The following UVRAG variants were observed in gnomAD, a reference collection of about 807,000 sequenced individuals.
The protein encoded by UVRAG is UV radiation resistance associated.
A neutral mutation model predicts 78.0 loss-of-function variants in UVRAG; 19 were observed. The observed-to-expected ratio is 0.24, with a 90% CI of 0.17 to 0.36. The LOEUF is 0.36. Ranked by LOEUF, UVRAG falls within the 10% of genes least tolerant of loss-of-function variation. The pLI, the probability that UVRAG is intolerant of heterozygous loss-of-function variation, is 1.00. For synonymous variants in UVRAG, 323 were observed against 324.6 expected, an observed-to-expected ratio of 1.00 and a Z score of 0.05; for missense variants, 740 against 853.8, an observed-to-expected ratio of 0.87 and a Z score of 1.66.
chr11:75,999,300 C>T (rs1949766070), intron 8 of UVRAG, among the ~76,000 whole-genome samples: 1 of 151,092 alleles, frequency 6.6e-6, no homozygotes, highest in South Asian at 2.1e-4. Context: ...TTATAGCATA[C>T]ATAAAGTAAA....
At chr11:76,042,408 A>G (rs1280224804) in intron 12 of UVRAG, among the ~76,000 whole-genome samples, 2 of 152,294 alleles carry the variant, frequency 1.3e-5, no homozygotes, top group Admixed American at 1.3e-4. Flanking sequence ...TGGCTTGTGG[A>G]GAGAAGATAT....
intron 7 of UVRAG, among the ~76,000 whole-genome samples, chr11:75,975,539 T>C (rs1391280188): frequency 6.6e-6 from 1 of 152,126 alleles, no homozygotes; most frequent in Non-Finnish European, 1.5e-5. Context: ...TCTTTTATTT[T>C]GTTGAGCAGT....
At chr11:76,090,118 A>G (rs1479800088) in intron 13 of UVRAG, among the ~76,000 whole-genome samples, 1 of 152,116 alleles carries the variant, frequency 6.6e-6, no homozygotes, top group African/African-American at 2.4e-5. Flanking sequence ...CTCCATTTTT[A>G]TGTTTCAAAT....
intron 5 of UVRAG, among the ~76,000 whole-genome samples, chr11:75,901,478 C>A (rs1217466306): frequency 6.6e-6 from 1 of 152,176 alleles, no homozygotes; most frequent in Non-Finnish European, 1.5e-5. Flanking sequence ...TTCAGAGATA[C>A]ATATGCTCTC....
intron 13 of UVRAG, among the ~76,000 whole-genome samples, chr11:76,085,371 A>G (rs1233917536): frequency 1.3e-5 from 2 of 152,162 alleles, no homozygotes; most frequent in Non-Finnish European, 2.9e-5. Context: ...TGTCTGTGTC[A>G]GTGCTCGTCA....
Position 75,880,928 on chromosome 11 carries a change from C to CTTTTT in UVRAG, c.432+911_432+915dup, listed in dbSNP as rs773034018. Among the ~76,000 whole-genome samples, 184 of 87,700 alleles carry CTTTTT rather than the reference C, an allele frequency of 2.1e-3. 2 individuals are homozygous for CTTTTT. Among genetic ancestry groups the CTTTTT allele is most frequent in the Non-Finnish European group, 3.8e-3 (166 of 43,678 alleles). The allele number at this position is 87,700 out of a possible 152,430, so 57.5% of individuals were successfully genotyped here. On this transcript the variant is annotated intron_variant, in intron 4 of 14. Transcript: ENST00000356136. ...CTTTCTTCCTTTCTTTTATTTACTT[C>CTTTTT]TTTTTTTTTTTTTTTTTTTTTTTTT...
intron 12 of UVRAG, among the ~76,000 whole-genome samples, chr11:76,059,298 T>G (rs1190564848): frequency 6.6e-6 from 1 of 152,206 alleles, no homozygotes; most frequent in Admixed American, 6.5e-5. Flanking sequence ...CAACTAAGTA[T>G]GTAATGGAGC....
chr11:75,932,948 TAATGCAATTTCTATCAAAATATC>T (rs1192238771), intron 6 of UVRAG, among the ~76,000 whole-genome samples: 16 of 152,246 alleles, frequency 1.1e-4, no homozygotes, highest in African/African-American at 3.6e-4. Context: ...CCTGCAAGTT[TAATGCAATTTCTATCAAAATATC>T]AATGACATTC....
chr11:75,983,811 G>T, intron 8 of UVRAG: 1 of 230,204 alleles, frequency 4.3e-6, no homozygotes. Context: ...ACAATGGTGA[G>T]TATTTATGTA....
At chr11:75,898,615 T>C (rs990342259) in intron 5 of UVRAG, among the ~76,000 whole-genome samples, 23 of 152,224 alleles carry the variant, frequency 1.5e-4, no homozygotes, top group African/African-American at 5.5e-4. Flanking sequence ...ACTTTCTTCG[T>C]TATACTACGT....
chr11:75,950,931 G>C (rs1948680602), intron 6 of UVRAG, among the ~76,000 whole-genome samples: 1 of 149,784 alleles, frequency 6.7e-6, no homozygotes, highest in African/African-American at 2.5e-5. Flanking sequence ...GGAATTCTTT[G>C]TGTATTTTGG....
chr11:75,904,225 T>G (rs2134999059), intron 5 of UVRAG, among the ~76,000 whole-genome samples: 1 of 152,330 alleles, frequency 6.6e-6, no homozygotes, highest in Middle Eastern at 3.4e-3. Context: ...GCTCATTGGA[T>G]ATGTTAAATT....
At position 75,983,424 on chromosome 11, in the gene UVRAG, T is replaced by C. The variant is rs769514410; in HGVS notation, c.737T>C (p.Val246Ala). The change falls in exon 8 of 15, where the codon GTG (valine) becomes GCG (alanine). Residue 246 changes from valine (V) to alanine (A), a missense_variant. Physicochemically the swap from Val to Ala is moderately conservative, Grantham distance 64 (BLOSUM62 0). Transcript: ENST00000356136. ...KSECLQLKIL[V>A]LQNELERQKK... ...GAATGCCTGCAGTTAAAAATTTTGGTGCTTCAGAATGAACTGGAACGGCAG... is the reference window on the plus strand; with the variant it reads ...GAATGCCTGCAGTTAAAAATTTTGGCGCTTCAGAATGAACTGGAACGGCAG... The C allele has an allele frequency of 1.9e-6, 3 of 1,602,742 alleles. No homozygotes were observed. The highest frequency in any genetic ancestry group is 2.6e-6 in the Non-Finnish European group (3 of 1,175,196).
intron 7 of UVRAG, among the ~76,000 whole-genome samples, chr11:75,976,882 C>G (rs1293128103): frequency 6.6e-5 from 10 of 152,088 alleles, no homozygotes; most frequent in Admixed American, 2.6e-4. Context: ...GTTCTGCTCT[C>G]ATCTTAGTTA....
At chr11:75,990,854 A>G (rs139243310) in intron 8 of UVRAG, among the ~76,000 whole-genome samples, 235 of 152,328 alleles carry the variant, frequency 1.5e-3, no homozygotes, top group African/African-American at 5.5e-3. Flanking sequence ...TTAAATACTC[A>G]TATCTTTTAG....
intron 3 of UVRAG, among the ~76,000 whole-genome samples, chr11:75,868,163 T>C (rs1352116880): frequency 6.6e-6 from 1 of 152,150 alleles, no homozygotes; most frequent in African/African-American, 2.4e-5. Context: ...TCTGCAGCAG[T>C]CACATGGGAG....
intron 6 of UVRAG, among the ~76,000 whole-genome samples, chr11:75,951,539 C>T (rs1350630817): frequency 6.6e-6 from 1 of 151,976 alleles, no homozygotes; most frequent in South Asian, 2.1e-4. Flanking sequence ...TGTGCCATCA[C>T]GCCTGGCTAA....
chr11:76,009,816 A>G (rs969997399), intron 11 of UVRAG, among the ~76,000 whole-genome samples: 1 of 152,230 alleles, frequency 6.6e-6, no homozygotes, highest in Non-Finnish European at 1.5e-5. Flanking sequence ...AATTTGGAAC[A>G]AGTAATGTAA....
At chr11:76,035,183 GA>G (rs1478324637) in intron 12 of UVRAG, among the ~76,000 whole-genome samples, 1 of 152,168 alleles carries the variant, frequency 6.6e-6, no homozygotes, top group Non-Finnish European at 1.5e-5. Context: ...GTTACTAGGA[GA>G]AAAACTTTTT....
Sources: allele counts gnomAD v4.1 joint callset (sites outside exome capture counted in the v4.1 genomes callset), GRCh38; gene constraint gnomAD v4.1.1; transcripts MANE v1.5; gene names NCBI Gene and HGNC (gene_info 2026-07-23, HGNC 2026-07-21).